The following CIMIP1 variants were observed in gnomAD, a reference collection of about 807,000 sequenced individuals.
CIMIP1 encodes low in lung cancer 1.
At chr20:58,158,888 T>C in the CIMIP1 span, among the ~76,000 whole-genome samples, 1 of 152,292 alleles carries the variant, frequency 6.6e-6, no homozygotes, top group African/African-American at 2.4e-5. Context: ...ATTTTCTTAT[T>C]ACACAGCTTG....
chr20:58,154,975 T>TTTGTA, the CIMIP1 span, among the ~76,000 whole-genome samples: 3 of 152,176 alleles, frequency 2.0e-5, no homozygotes, highest in East Asian at 5.8e-4. Context: ...CCAGCTAATT[T>TTTGTA]TTGTATTTTT....
chr20:58,153,531 CTT>C, the CIMIP1 span: 1 of 1,613,060 alleles, frequency 6.2e-7, no homozygotes, highest in Non-Finnish European at 8.5e-7. Context: ...CACTCAGGAA[CTT>C]TCTTTTTCAG....
the CIMIP1 span, chr20:58,153,608 A>G: frequency 6.2e-7 from 1 of 1,613,372 alleles, no homozygotes; most frequent in South Asian, 1.1e-5. Context: ...GGGGTTTTTA[A>G]CAACCCCTTT....
the CIMIP1 span, among the ~76,000 whole-genome samples, chr20:58,159,414 C>G: frequency 6.6e-6 from 1 of 151,666 alleles, no homozygotes; most frequent in East Asian, 1.9e-4. Flanking sequence ...CACTCAGGAG[C>G]TGAGGCAAGA....
chr20:58,151,162 G>T, the CIMIP1 span: 2 of 824,736 alleles, frequency 2.4e-6, no homozygotes, highest in South Asian at 3.3e-5. Context: ...AGGGGCGTGC[G>T]CTGAGGATGG....
chr20:58,153,595 C>T, the CIMIP1 span: 1 of 1,614,106 alleles, frequency 6.2e-7, no homozygotes. Context: ...GGCCCCAGAA[C>T]TGGGGGTTTT....
chr20:58,155,584 T>A, the CIMIP1 span: 3 of 1,593,448 alleles, frequency 1.9e-6, no homozygotes, highest in Non-Finnish European at 2.6e-6. Flanking sequence ...GAAACGTTTT[T>A]AAATACTCAT....
chr20:58,155,746 C>G, the CIMIP1 span, among the ~76,000 whole-genome samples: 1 of 152,216 alleles, frequency 6.6e-6, no homozygotes, highest in Admixed American at 6.5e-5. Context: ...CCATGGGAAA[C>G]ATGCCAGGCT....
At chr20:58,151,220 AG>A in the CIMIP1 span, among the ~76,000 whole-genome samples, 12 of 152,284 alleles carry the variant, frequency 7.9e-5, no homozygotes, top group East Asian at 2.3e-3. Context: ...TGAGAGCGAC[AG>A]GAGGGCCTTT....
At chr20:58,160,583 C>T in the CIMIP1 span, 5 of 1,473,320 alleles carry the variant, frequency 3.4e-6, no homozygotes, top group Admixed American at 1.0e-4. Flanking sequence ...CTTTTCCACC[C>T]CTGCCTCACA....
At chr20:58,152,734 A>C in the CIMIP1 span, among the ~76,000 whole-genome samples, 1 of 151,842 alleles carries the variant, frequency 6.6e-6, no homozygotes, top group Non-Finnish European at 1.5e-5. Flanking sequence ...AAAAAAAAAA[A>C]AAAAAAAAAA....
chr20:58,157,479 T>A, the CIMIP1 span, among the ~76,000 whole-genome samples: 1 of 152,234 alleles, frequency 6.6e-6, no homozygotes. Flanking sequence ...TTTTTAGGTA[T>A]ATGTTTACAA....
chr20:58,160,971 CT>C, the CIMIP1 span: 1 of 801,484 alleles, frequency 1.2e-6, no homozygotes, highest in Non-Finnish European at 1.9e-6. Context: ...CAAAGTGTGC[CT>C]TAGACATTCT....
At chr20:58,157,011 T>C in the CIMIP1 span, among the ~76,000 whole-genome samples, 7 of 152,212 alleles carry the variant, frequency 4.6e-5, no homozygotes, top group African/African-American at 1.2e-4. Context: ...CTGAGTTATG[T>C]TGACAGTTTT....
chr20:58,160,836 T>C, the CIMIP1 span: 1 of 1,607,350 alleles, frequency 6.2e-7, no homozygotes, highest in Non-Finnish European at 8.5e-7. Flanking sequence ...CAGACGGAGT[T>C]CTGCCCAGGG....
the CIMIP1 span, among the ~76,000 whole-genome samples, chr20:58,157,728 A>G: frequency 6.6e-6 from 1 of 152,224 alleles, no homozygotes; most frequent in Non-Finnish European, 1.5e-5. Context: ...GTAGACACAG[A>G]AATTTGCTCT....
chr20:58,158,204 T>G, the CIMIP1 span, among the ~76,000 whole-genome samples: 1 of 152,130 alleles, frequency 6.6e-6, no homozygotes, highest in South Asian at 2.1e-4. Context: ...TTATCTCCTG[T>G]GAGAGACTCC....
chr20:58,155,106 C>G, the CIMIP1 span, among the ~76,000 whole-genome samples: 3 of 152,324 alleles, frequency 2.0e-5, no homozygotes, highest in East Asian at 5.8e-4. Flanking sequence ...ACACTCAACC[C>G]TTTTTGGCAT....
the CIMIP1 span, chr20:58,151,117 C>T: frequency 7.6e-7 from 1 of 1,319,756 alleles, no homozygotes; most frequent in African/African-American, 1.5e-5. Flanking sequence ...CCCACCAAGT[C>T]CGGGAAGTGA....
Sources: allele counts gnomAD v4.1 joint callset (sites outside exome capture counted in the v4.1 genomes callset), GRCh38; gene constraint gnomAD v4.1.1; transcripts MANE v1.5; gene names NCBI Gene and HGNC (gene_info 2026-07-23, HGNC 2026-07-21).